MLLT1: variants seen among roughly 807,000 people sequenced by gnomAD.
MLLT1 encodes MLLT1 super elongation complex subunit.
MLLT1 carries 11 observed loss-of-function variants against 55.1 expected under a neutral mutation model. The observed-to-expected ratio is 0.20, with a 90% confidence interval of 0.13 to 0.33. MLLT1 has a LOEUF of 0.33. Among genes scored for constraint, MLLT1 ranks in the 10% least tolerant of loss-of-function variants. MLLT1 has a pLI of 1.00. For synonymous variants in MLLT1, 323 were observed against 320.1 expected (o/e 1.01, Z -0.10); for missense variants, 536 against 760.6 (o/e 0.70, Z 3.47).
rs752262616 is a variant in MLLT1, at chr19:6,216,399, C to T, written c.1307+6G>A. 1.8e-5 allele frequency: 29 copies of T among 1,598,140 alleles called. No homozygotes were observed. The highest frequency in any genetic ancestry group is 4.5e-5 in the East Asian group (2 of 44,318). On this transcript the variant is annotated splice_donor_region_variant and intron_variant, in intron 8 of 11. Coordinates refer to ENST00000252674, the MANE Select transcript of MLLT1 (RefSeq NM_005934.4). ...CTCCGCCCCCTGGCTCCCACCGGGCCGTCACCTGGAGTCCCTCCCCGGGTT... is the reference window on the plus strand; with the variant it reads ...CTCCGCCCCCTGGCTCCCACCGGGCTGTCACCTGGAGTCCCTCCCCGGGTT...
At chr19:6,254,812 C>G (rs1425818559) in intron 3 of MLLT1, among the ~76,000 whole-genome samples, 1 of 152,172 alleles carries the variant, frequency 6.6e-6, no homozygotes, top group Non-Finnish European at 1.5e-5. Context: ...GGGATGCCCA[C>G]CCTCTCCACT....
intron 3 of MLLT1, among the ~76,000 whole-genome samples, chr19:6,250,424 G>C (rs968255244): frequency 1.3e-5 from 2 of 152,174 alleles, no homozygotes; most frequent in African/African-American, 4.8e-5. Context: ...AAGGTATACA[G>C]TCATCCCTCA....
At position 6,247,876 on chromosome 19, in the gene MLLT1, TTTTGTTTGTTTG is replaced by T. The variant is rs141160792; in HGVS notation, c.276+14340_276+14351del. On this transcript the variant is annotated intron_variant, in intron 3 of 11. Coordinates refer to ENST00000252674, the MANE Select transcript of MLLT1 (RefSeq NM_005934.4). ...TTTCAGATTTTGGAGCATTTTGGTG[TTTTGTTTGTTTG>T]TTTGTTTGTTTGTTTTTTGTGAGAC... is the stretch of plus-strand genomic sequence containing the variant. Among the ~76,000 whole-genome samples, 789 of 147,450 alleles carry T rather than the reference TTTTGTTTGTTTG, an allele frequency of 5.4e-3. 41 individuals carry two copies. In the East Asian group the frequency reaches 0.14, roughly 26 times the overall value.
chr19:6,242,992 C>CA (rs1224610662), intron 3 of MLLT1, among the ~76,000 whole-genome samples: 1 of 152,208 alleles, frequency 6.6e-6, no homozygotes, highest in Non-Finnish European at 1.5e-5. Context: ...ATGAAAGCGA[C>CA]AAAGGTGAGA....
Position 6,230,787 on chromosome 19 carries a change from T to C in MLLT1, c.277-74A>G. ...CAGGGACACAGCTCCCCATTGGCCC[T>C]GGTCCTCCCCTCTCCCTCACTGGGC... On this transcript the variant is annotated intron_variant, in intron 3 of 11. Transcript: ENST00000252674. The surrounding 1 kb of genome is among the most constrained non-coding windows in gnomAD (Gnocchi z 9.0). The C allele has an allele frequency of 6.4e-7, 1 of 1,572,546 alleles. No homozygotes were observed. Among genetic ancestry groups the C allele is most frequent in the Admixed American group, 1.7e-5 (1 of 58,088 alleles).
chr19:6,259,109 C>G (rs2091282109), intron 3 of MLLT1: 1 of 152,374 alleles, frequency 6.6e-6, no homozygotes, highest in East Asian at 1.9e-4. Context: ...GGCGTGTCCA[C>G]CTCCAAACTG....
chr19:6,265,285 G>A (rs191582969), intron 2 of MLLT1, among the ~76,000 whole-genome samples: 435 of 152,212 alleles, frequency 2.9e-3, no homozygotes, highest in Non-Finnish European at 5.1e-3. Flanking sequence ...TCAGACTTTG[G>A]AATATTCGCA....
intron 3 of MLLT1, among the ~76,000 whole-genome samples, chr19:6,257,638 T>C (rs527347042): frequency 6.6e-6 from 1 of 152,052 alleles, no homozygotes; most frequent in East Asian, 1.9e-4. Context: ...CCATCAGTAC[T>C]AAAAATACAA....
At chr19:6,279,332 G>A (rs1025496359) in intron 1 of MLLT1, among the ~76,000 whole-genome samples, 1 of 152,134 alleles carries the variant, frequency 6.6e-6, no homozygotes, top group Non-Finnish European at 1.5e-5. Flanking sequence ...AGATCCGAGG[G>A]GCCCCGGGAG....
chr19:6,238,762 T>C (rs1017807551), intron 3 of MLLT1, among the ~76,000 whole-genome samples: 3 of 151,664 alleles, frequency 2.0e-5, no homozygotes, highest in Non-Finnish European at 2.9e-5. Context: ...AAACACCTTC[T>C]CCGCCAGGGC....
Position 6,270,069 on chromosome 19 carries a change from C to A in MLLT1, c.193+510G>T, listed in dbSNP as rs370906537. ...CTGCACCCTCCAGGAAGGCCAGGGCCCCCACGCCACAGGTGGAGACGCTGA... is the reference window on the plus strand; with the variant it reads ...CTGCACCCTCCAGGAAGGCCAGGGCACCCACGCCACAGGTGGAGACGCTGA... On this transcript the variant is annotated intron_variant, in intron 2 of 11. Coordinates refer to ENST00000252674, the MANE Select transcript of MLLT1 (RefSeq NM_005934.4). The surrounding 1 kb of genome is among the most constrained non-coding windows in gnomAD (Gnocchi z 7.1). 6.6e-6 allele frequency among the ~76,000 whole-genome samples: 1 copy of A among 152,198 alleles called. No homozygotes were observed. The highest frequency in any genetic ancestry group is 1.9e-4 in the East Asian group (1 of 5,194).
chr19:6,217,875 G>A lies in MLLT1; in HGVS notation c.1198+79C>T, dbSNP rs1461757769. The A allele has an allele frequency of 2.0e-6, 3 of 1,517,730 alleles. No homozygotes were observed. In the African/African-American group the frequency reaches 4.2e-5, roughly 21 times the overall value. The allele number at this position is 1,517,730 out of a possible 1,614,324, so 94.0% of individuals were successfully genotyped here. A position where few individuals can be genotyped will look rare whatever the true frequency, so the allele number is the denominator to read the frequency against. Reference sequence around the variant, plus strand: ...GGCCCAGCCTGTGCAGGCAGTGGACGCTGAGGAATGCCCATGTGGCCTGAG... The same window carrying A: ...GGCCCAGCCTGTGCAGGCAGTGGACACTGAGGAATGCCCATGTGGCCTGAG... On this transcript the variant is annotated intron_variant, in intron 7 of 11. Coordinates refer to ENST00000252674, the MANE Select transcript of MLLT1 (RefSeq NM_005934.4).
intron 1 of MLLT1, among the ~76,000 whole-genome samples, chr19:6,274,581 G>A (rs1422528101): frequency 1.3e-5 from 2 of 152,192 alleles, no homozygotes; most frequent in South Asian, 2.1e-4. Flanking sequence ...AAGGCACCAG[G>A]AATGCCTGCT....
Position 6,212,954 on chromosome 19 carries a change from G to T in MLLT1, c.*88C>A. 2 of 1,519,782 alleles carry T rather than the reference G, an allele frequency of 1.3e-6. No individual in the cohort carries two copies. 94.1% of individuals were successfully genotyped at this position (1,519,782 alleles called of 1,614,324 possible). A position where few individuals can be genotyped will look rare whatever the true frequency, so the allele number is the denominator to read the frequency against. ...GGGCTGTCGCTAAGGCAGTGCTGCG[G>T]GCAGGCGAGACGGGAGAGGAGGGCA... is the stretch of plus-strand genomic sequence containing the variant. On this transcript the variant is annotated 3_prime_UTR_variant, in exon 12 of 12. Transcript: ENST00000252674.
chr19:6,218,883 G>A (rs1300265272), intron 6 of MLLT1, among the ~76,000 whole-genome samples: 1 of 152,200 alleles, frequency 6.6e-6, no homozygotes, highest in African/African-American at 2.4e-5. Flanking sequence ...CGGGCCCAGG[G>A]CAGCCCCCTC....
At position 6,256,711 on chromosome 19, in the gene MLLT1, G is replaced by A. The variant is rs962082799; in HGVS notation, c.276+5517C>T. Among the ~76,000 whole-genome samples, 3 of 150,990 alleles carry A rather than the reference G, an allele frequency of 2.0e-5. No homozygotes were observed. Among genetic ancestry groups the A allele is most frequent in the Admixed American group, 6.6e-5 (1 of 15,182 alleles). On this transcript the variant is annotated intron_variant, in intron 3 of 11. Transcript: ENST00000252674. The surrounding 1 kb of genome is among the most constrained non-coding windows in gnomAD (Gnocchi z 4.1). Reference sequence around the variant, plus strand: ...GGAGCTTGCAGTGAGCCGAGATGGCGCCACTGCACTCTAGCCTGGGCGACA... The same window carrying A: ...GGAGCTTGCAGTGAGCCGAGATGGCACCACTGCACTCTAGCCTGGGCGACA...
chr19:6,266,310 G>A (rs535899272), intron 2 of MLLT1, among the ~76,000 whole-genome samples: 15 of 150,836 alleles, frequency 9.9e-5, no homozygotes, highest in Admixed American at 6.6e-4. Flanking sequence ...TTTGGATTTC[G>A]GATTTTCAGC....
Position 6,271,172 on chromosome 19 carries a change from C to T in MLLT1, c.13-413G>A, listed in dbSNP as rs78441660. Among the ~76,000 whole-genome samples the T allele has an allele frequency of 6.1e-3, 935 of 152,168 alleles. 5 individuals carry two copies. Among genetic ancestry groups the T allele is most frequent in the Non-Finnish European group, 9.6e-3 (653 of 67,986 alleles). The stretch of plus-strand genomic sequence containing the variant: ...CTGCAGGGAAGCCTCCCCTGACCAC[C>T]GATCCAAAAGCATCCACCACCGCTC... On this transcript the variant is annotated intron_variant, in intron 1 of 11. Transcript: ENST00000252674.
intron 1 of MLLT1, among the ~76,000 whole-genome samples, chr19:6,278,493 A>G (rs1259249566): frequency 1.3e-5 from 2 of 150,518 alleles, no homozygotes; most frequent in East Asian, 3.9e-4. Context: ...GGGGGAAAAA[A>G]ACAGAAAATG....
Sources: allele counts gnomAD v4.1 joint callset (sites outside exome capture counted in the v4.1 genomes callset), GRCh38; gene constraint gnomAD v4.1.1; non-coding constraint Gnocchi (gnomAD v3.1); transcripts MANE v1.5; gene names NCBI Gene and HGNC (gene_info 2026-07-23, HGNC 2026-07-21).